Variants in SLC9A2 observed in about 807,000 individuals in gnomAD.
SLC9A2 encodes the protein solute carrier family 9 member A2, also known as sodium/hydrogen exchanger 2.
SLC9A2 carries 42 observed loss-of-function variants against 71.7 expected under a neutral mutation model. The ratio of observed to expected loss-of-function variants is 0.59; its 90% CI spans 0.46 to 0.76. The LOEUF (loss-of-function observed/expected upper bound fraction) is 0.76. Among genes scored for constraint, SLC9A2 ranks in the 30% least tolerant of loss-of-function variants. The pLI, the probability that SLC9A2 is intolerant of heterozygous loss-of-function variation, is 0.00. For synonymous variants in SLC9A2, 396 were observed against 392.5 expected, an observed-to-expected ratio of 1.01 and a Z score of -0.10; for missense variants, 829 against 1,017.4, an observed-to-expected ratio of 0.81 and a Z score of 2.52.
At chr2:102,641,563 GC>G (rs1261624844) in intron 1 of SLC9A2, among the ~76,000 whole-genome samples, 3 of 151,662 alleles carry the variant, frequency 2.0e-5, no homozygotes, top group Non-Finnish European at 4.4e-5. Context: ...TCCTTAAAAA[GC>G]CCCTCCCCCA....
intron 1 of SLC9A2, among the ~76,000 whole-genome samples, chr2:102,647,862 C>CA (rs34176139): frequency 0.061 from 9,209 of 151,750 alleles, 310 homozygotes; most frequent in African/African-American, 0.091. Context: ...AGCCTACCAA[C>CA]AAAAAAAAGC....
intron 1 of SLC9A2, among the ~76,000 whole-genome samples, chr2:102,624,929 G>GA: frequency 6.6e-6 from 1 of 152,248 alleles, no homozygotes; most frequent in African/African-American, 2.4e-5. Flanking sequence ...TTTGATCTCT[G>GA]AAAAAAACTT....
chr2:102,630,327 TAAATGATAATGTA>T (rs1676333439), intron 1 of SLC9A2, among the ~76,000 whole-genome samples: 3 of 152,078 alleles, frequency 2.0e-5, no homozygotes, highest in Admixed American at 1.3e-4. Flanking sequence ...ATTATACTAT[TAAATGATAATGTA>T]ACTGAGTGTA....
At chr2:102,639,123 G>T (rs1455903669) in intron 1 of SLC9A2, among the ~76,000 whole-genome samples, 1 of 152,222 alleles carries the variant, frequency 6.6e-6, no homozygotes, top group African/African-American at 2.4e-5. Flanking sequence ...GCTGGAGGCT[G>T]CAGTGAGTTA....
intron 11 of SLC9A2, 105 bp downstream of exon 11, chr2:102,706,041 C>CA (rs1431023408): frequency 5.1e-3 from 201 of 39,226 alleles, no homozygotes; most frequent in South Asian, 8.0e-3. Flanking sequence ...GAGTTCCGGC[C>CA]GGGCGCGGTG....
Position 102,645,531 on chromosome 2 carries a change from A to T in SLC9A2, c.290-12033A>T, listed in dbSNP as rs372620761. Among the ~76,000 whole-genome samples, 189 of 152,238 alleles carry T rather than the reference A, an allele frequency of 1.2e-3. 3 individuals are homozygous for T. Among genetic ancestry groups the T allele is most frequent in the African/African-American group, 4.3e-3 (179 of 41,566 alleles). On this transcript the variant is annotated intron_variant, in intron 1 of 11. Coordinates refer to ENST00000233969, the MANE Select transcript of SLC9A2 (RefSeq NM_003048.6). ...AGCTAAAGGAGCATGTTCTAACCCA[A>T]TGCAAGGAAGCTAAGAGCCTTGATA...
chr2:102,645,334 A>G (rs1042513061), intron 1 of SLC9A2, among the ~76,000 whole-genome samples: 1 of 152,186 alleles, frequency 6.6e-6, no homozygotes, highest in Non-Finnish European at 1.5e-5. Flanking sequence ...TAAATCCACA[A>G]AGACGAAAAA....
chr2:102,708,553 C>T lies in SLC9A2; in HGVS notation c.*64C>T. 6.5e-7 allele frequency: 1 copy of T among 1,531,782 alleles called. No individual in the cohort carries two copies. The highest frequency in any genetic ancestry group is 8.8e-7 in the Non-Finnish European group (1 of 1,134,026). 94.9% of individuals were successfully genotyped at this position (1,531,782 alleles called of 1,614,324 possible). On this transcript the variant is annotated 3_prime_UTR_variant, in exon 12 of 12. Transcript: ENST00000233969. ...ACAGCTGTGGTTTGTCACTCTGAAACCTGATGCAACAGTGGAATCCATGTA... is the reference window on the plus strand; with the variant it reads ...ACAGCTGTGGTTTGTCACTCTGAAATCTGATGCAACAGTGGAATCCATGTA...
At chr2:102,707,379 T>C (rs1678002314) in intron 11 of SLC9A2, among the ~76,000 whole-genome samples, 1 of 149,152 alleles carries the variant, frequency 6.7e-6, no homozygotes, top group South Asian at 2.1e-4. Context: ...TAAAGGAGTG[T>C]GAGGTGAGAA....
Position 102,683,366 on chromosome 2 carries a change from C to T in SLC9A2, c.1110C>T (p.Ser370=), listed in dbSNP as rs753101946. 1.7e-5 allele frequency: 27 copies of T among 1,613,872 alleles called. No individual in the cohort carries two copies. The highest frequency in any genetic ancestry group is 3.3e-5 in the South Asian group (3 of 91,092). The change falls in exon 4 of 12, where the codon AGC becomes AGT. Residue 370 remains serine (S), a synonymous_variant. Transcript: ENST00000233969. ...KYFMKMLSSV[S]ETLIFIFMGV... Reference sequence around the variant, plus strand: ...TCATGAAGATGCTGAGCAGTGTCAGCGAAACCTTGATCTTCATCTTCATGG... The same window carrying T: ...TCATGAAGATGCTGAGCAGTGTCAGTGAAACCTTGATCTTCATCTTCATGG...
chr2:102,688,503 G>T (rs113869930), intron 5 of SLC9A2, among the ~76,000 whole-genome samples: 6,785 of 152,308 alleles, frequency 0.045, 269 homozygotes, highest in African/African-American at 0.1. Flanking sequence ...GCCAAGGCGG[G>T]TGGATCACGA....
At chr2:102,621,340 C>A (rs1344286462) in intron 1 of SLC9A2, among the ~76,000 whole-genome samples, 7 of 131,586 alleles carry the variant, frequency 5.3e-5, no homozygotes, top group Admixed American at 4.5e-4. Flanking sequence ...CAGAGAGATA[C>A]CTTGTCTCAG....
At chr2:102,645,601 A>T (rs971798212) in intron 1 of SLC9A2, among the ~76,000 whole-genome samples, 2 of 152,094 alleles carry the variant, frequency 1.3e-5, no homozygotes, top group Non-Finnish European at 2.9e-5. Flanking sequence ...TTTAAAGAAG[A>T]ACATAAATGA....
chr2:102,622,646 GC>G (rs1205142812), intron 1 of SLC9A2, among the ~76,000 whole-genome samples: 1 of 152,160 alleles, frequency 6.6e-6, no homozygotes, highest in African/African-American at 2.4e-5. Context: ...TCATCTTTGT[GC>G]GTTTCCAGAA....
At chr2:102,691,914 C>T (rs1277573998) in intron 5 of SLC9A2, among the ~76,000 whole-genome samples, 1 of 152,172 alleles carries the variant, frequency 6.6e-6, no homozygotes, top group Non-Finnish European at 1.5e-5. Context: ...TCACCTATTA[C>T]TTACTAAATG....
At chr2:102,643,346 C>T (rs1282477125) in intron 1 of SLC9A2, among the ~76,000 whole-genome samples, 1 of 152,116 alleles carries the variant, frequency 6.6e-6, no homozygotes, top group Non-Finnish European at 1.5e-5. Context: ...CTAAACAGCC[C>T]ATTCAGACTT....
intron 11 of SLC9A2, 97 bp from the exon 12 acceptor site, chr2:102,708,021 CA>C: frequency 3.0e-6 from 4 of 1,318,984 alleles, no homozygotes; most frequent in Non-Finnish European, 4.2e-6. Context: ...CCCAGAGCCC[CA>C]GGACGTATCA....
At chr2:102,670,326 T>A (rs1396675267) in intron 3 of SLC9A2, among the ~76,000 whole-genome samples, 2 of 152,100 alleles carry the variant, frequency 1.3e-5, no homozygotes, top group Non-Finnish European at 2.9e-5. Context: ...GTGCCCAGTA[T>A]TTTTTAGTTC....
chr2:102,688,912 A>C (rs1432694130), intron 5 of SLC9A2, among the ~76,000 whole-genome samples: 4 of 152,244 alleles, frequency 2.6e-5, no homozygotes, highest in African/African-American at 9.6e-5. Context: ...GTGGTTATCT[A>C]GAAGTCCATC....
Sources: allele counts gnomAD v4.1 joint callset (sites outside exome capture counted in the v4.1 genomes callset), GRCh38; gene constraint gnomAD v4.1.1; transcripts MANE v1.5; gene names NCBI Gene and HGNC (gene_info 2026-07-23, HGNC 2026-07-21).